Variants in MAP3K6 observed in about 807,000 individuals in gnomAD.
The protein encoded by MAP3K6 is mitogen-activated protein kinase kinase kinase 6.
Under a neutral mutation model 147.1 loss-of-function variants are expected in MAP3K6, and 105 were observed. That is an observed-to-expected ratio of 0.71 (90% CI 0.61 to 0.84). The LOEUF (loss-of-function observed/expected upper bound fraction) is 0.84. Among genes scored for constraint, MAP3K6 ranks in the 40% least tolerant of loss-of-function variants. The pLI is 0.00. For synonymous variants in MAP3K6, 695 were observed against 732.4 expected (o/e 0.95, Z 0.82); for missense variants, 1,569 against 1,715.0 (o/e 0.91, Z 1.50).
At chr1:27,357,140 A>C (rs1224322525) in intron 23 of MAP3K6, 26 bp from the exon 24 acceptor site, 1 of 1,586,132 alleles carries the variant, frequency 6.3e-7, no homozygotes, top group Non-Finnish European at 8.7e-7. Context: ...GGCGCCGCTG[A>C]GACAGCTGAG....
chr1:27,366,235 G>A lies in MAP3K6; in HGVS notation c.340+23C>T. 2.3e-6 allele frequency: 3 copies of A among 1,291,938 alleles called. No homozygotes were observed. The highest frequency in any genetic ancestry group is 2.0e-6 in the Non-Finnish European group (2 of 1,021,622). The allele number at this position is 1,291,938 out of a possible 1,614,324, so 80.0% of individuals were successfully genotyped here. On this transcript the variant is annotated intron_variant, in intron 1 of 28. Transcript: ENST00000357582. The surrounding 1 kb of genome is among the most constrained non-coding windows in gnomAD (Gnocchi z 5.5). ...AGGACCCTGAGTCCCGCCCGGATCC[G>A]GCCCCGCCCCCAGCGCTCTCACCCG... is the stretch of plus-strand genomic sequence containing the variant.
intron 1 of MAP3K6, among the ~76,000 whole-genome samples, chr1:27,365,827 C>T (rs1244304718): frequency 6.6e-6 from 1 of 152,106 alleles, no homozygotes; most frequent in Non-Finnish European, 1.5e-5. Flanking sequence ...TAAGTCCAAG[C>T]TCCTCTCCCA....
chr1:27,360,481 C>A lies in MAP3K6; in HGVS notation c.2055-113G>T. 7.2e-7 allele frequency: 1 copy of A among 1,394,010 alleles called. No homozygotes were observed. The highest frequency in any genetic ancestry group is 2.5e-5 in the East Asian group (1 of 40,044). The allele number at this position is 1,394,010 out of a possible 1,614,324, so 86.4% of individuals were successfully genotyped here. ...ACCCGCCCCGCCCACAAGCCCTCTC[C>A]GACCTTCCCCACCCTTACTACCCTG... is the stretch of plus-strand genomic sequence containing the variant. On this transcript the variant is annotated intron_variant, in intron 15 of 28. Coordinates refer to ENST00000357582, the MANE Select transcript of MAP3K6 (RefSeq NM_004672.5). This position sits in a 1 kb window ranked among gnomAD's most constrained non-coding sequence, Gnocchi z 4.5.
In MAP3K6 at chr1:27,356,045, T is replaced by A; in HGVS notation, c.3692A>T (p.Asp1231Val). 1 of 1,614,108 alleles carries A rather than the reference T, an allele frequency of 6.2e-7. No homozygotes were observed. The highest frequency in any genetic ancestry group is 8.5e-7 in the Non-Finnish European group (1 of 1,180,016). Residue 1231 changes from aspartate to valine, a missense_variant, in exon 27 of 29, where the codon GAT becomes GTT. Coordinates refer to ENST00000357582, the MANE Select transcript of MAP3K6 (RefSeq NM_004672.5). ...LVQWLQELNV[D>V]SGTIQMLLNH... is the part of the protein sequence containing the mutation. ...ACTCACCATTTGGATGGTGCCTGAA[T>A]CCACATTCAGTTCCTGTAGCCACTG...
chr1:27,362,109 T>C lies in MAP3K6; in HGVS notation c.1397A>G (p.Lys466Arg). 4 of 1,612,882 alleles carry C rather than the reference T, an allele frequency of 2.5e-6. No individual in the cohort carries two copies. Among genetic ancestry groups the C allele is most frequent in the Non-Finnish European group, 3.4e-6 (4 of 1,179,468 alleles). ...QVVLAAEQLY[K>R]LNAPIWYLVS... ...CACCTACCATATGGGGGCATTGAGC[T>C]TATACAGCTGCTCTGCAGCCAGCAC... Residue 466 changes from lysine to arginine, a missense_variant, in exon 9 of 29, where the codon AAG becomes AGG. Transcript: ENST00000357582.
rs370035625 is a variant in MAP3K6 at position 27,356,665 on chromosome 1, G to T, written c.3449C>A (p.Pro1150Gln). The part of the protein sequence containing the change: ...DSQQSPGQQS[P>Q]LPVEPEQGPA... ...GCCCTGCTCGGGCTCCACCGGAAGC[G>T]GGCTCTGCTGGCCTGGGCTCTGCTG... The change falls in exon 25 of 29, where the codon CCG becomes CAG. Residue 1150 changes from proline to glutamine, a missense_variant. Pro to Gln is a moderately conservative substitution (Grantham distance 76). Transcript: ENST00000357582. The T allele has an allele frequency of 6.2e-7, 1 of 1,611,618 alleles. No homozygotes were observed. The highest frequency in any genetic ancestry group is 1.1e-5 in the South Asian group (1 of 90,758).
At chr1:27,363,660 G>A (rs1461977927) in intron 5 of MAP3K6, 112 bp from the exon 6 acceptor site, 9 of 873,976 alleles carry the variant, frequency 1.0e-5, no homozygotes, top group Middle Eastern at 3.5e-4. Flanking sequence ...TCTTCTGCAC[G>A]CCTCCCTCAG....
At position 27,358,876 on chromosome 1, in the gene MAP3K6, A is replaced by G. The variant is rs778523916; in HGVS notation, c.2426-10T>C. 1 of 1,551,470 alleles carries G rather than the reference A, an allele frequency of 6.4e-7. No homozygotes were observed. Among genetic ancestry groups the G allele is most frequent in the East Asian group, 2.3e-5 (1 of 44,324 alleles). ...ATATACTGCAGAGTTCCTAGGACAG[A>G]AACAGGAGCACCAATGCCCATCTAG... On this transcript the variant is annotated splice_polypyrimidine_tract_variant and intron_variant, in intron 18 of 28. Transcript: ENST00000357582. The surrounding 1 kb of genome is among the most constrained non-coding windows in gnomAD (Gnocchi z 6.2).
At position 27,360,444 on chromosome 1, in the gene MAP3K6, C is replaced by T; in HGVS notation, c.2055-76G>A. The T allele has an allele frequency of 6.6e-7, 1 of 1,517,994 alleles. No homozygotes were observed. Among genetic ancestry groups the T allele is most frequent in the Non-Finnish European group, 8.9e-7 (1 of 1,128,930 alleles). The allele number at this position is 1,517,994 out of a possible 1,614,324, so 94.0% of individuals were successfully genotyped here. A position where few individuals can be genotyped will look rare whatever the true frequency, so the allele number is the denominator to read the frequency against. Reference sequence around the variant, plus strand: ...CCCGCCCATCCCACGCCAGCCTGGCCCCGCCCCAAGGACCCGCCCCGCCCA... The same window carrying T: ...CCCGCCCATCCCACGCCAGCCTGGCTCCGCCCCAAGGACCCGCCCCGCCCA... On this transcript the variant is annotated intron_variant, in intron 15 of 28. Transcript: ENST00000357582. This position sits in a 1 kb window ranked among gnomAD's most constrained non-coding sequence, Gnocchi z 4.5.
intron 21 of MAP3K6, 78 bp from the exon 22 acceptor site, chr1:27,357,954 G>C (rs1194664620): frequency 7.4e-6 from 11 of 1,487,712 alleles, no homozygotes; most frequent in Non-Finnish European, 9.8e-6. Flanking sequence ...TTGAATCCTG[G>C]CTCTCCTACT....
chr1:27,363,502 G>C lies in MAP3K6; in HGVS notation c.911C>G (p.Pro304Arg), dbSNP rs755691421. 3 of 1,613,712 alleles carry C rather than the reference G, an allele frequency of 1.9e-6. No homozygotes were observed. The East Asian group carries it at 6.7e-5, about 36-fold the overall frequency. The change falls in exon 6 of 29, where the codon CCC (proline) becomes CGC (arginine). Residue 304 changes from proline (P) to arginine (R), a missense_variant. Physicochemically the swap from Pro to Arg is moderately radical, Grantham distance 103. Transcript: ENST00000357582. ...ATGCTGCTCGGCCACATCACAGGTG[G>C]GCAAGGCCTGCAGCGTCTCCACCAG... ...IELVETLQAL[P>R]TCDVAEQHNV...
At position 27,361,814 on chromosome 1, in the gene MAP3K6, G is replaced by A. The variant is rs369834309; in HGVS notation, c.1469C>T (p.Thr490Met). The change falls in exon 10 of 29, where the codon ACG (threonine) becomes ATG (methionine). Residue 490 changes from threonine to methionine, a missense_variant. By Grantham distance (81) the Thr-to-Met change is moderately conservative. Transcript: ENST00000357582. ...TFLLYQHFRP[T>M]PEPPGGPPRR... The stretch of plus-strand genomic sequence containing the variant: ...TGGTGGCCCTCCAGGGGGCTCTGGC[G>A]TGGGCCTGAAGTGCTGGTAGAGCAG... The A allele has an allele frequency of 5.8e-5, 93 of 1,605,170 alleles. No homozygotes were observed. In the Middle Eastern group the frequency reaches 1.3e-3, roughly 23 times the overall value.
chr1:27,362,574 C>T lies in MAP3K6; in HGVS notation c.1255+67G>A, dbSNP rs902379318. The T allele has an allele frequency of 7.2e-6, 9 of 1,257,252 alleles. No individual in the cohort carries two copies. In the Admixed American group the frequency reaches 8.7e-5, roughly 12 times the overall value. The allele number at this position is 1,257,252 out of a possible 1,614,324, so 77.9% of individuals were successfully genotyped here. A position where few individuals can be genotyped will look rare whatever the true frequency, so the allele number is the denominator to read the frequency against. On this transcript the variant is annotated intron_variant, in intron 8 of 28. Coordinates refer to ENST00000357582, the MANE Select transcript of MAP3K6 (RefSeq NM_004672.5). ...AGCTCTTGCCCAGTGTGCTCTCTCC[C>T]TGCCCTCTTCCCAGGCCCCTCGGAA... is the stretch of plus-strand genomic sequence containing the variant.
chr1:27,361,576 G>T lies in MAP3K6; in HGVS notation c.1630C>A (p.Arg544=). ...ACTGTGCTTACTGGGTCAGTACCCC[G>T]AACCTCGAGCTTTGCAGGCAGCAGC... The part of the protein sequence containing the change: ...KVLLPAKLEV[R]GTDPVSTVTL... The change falls in exon 11 of 29, where the codon CGG becomes AGG. Residue 544 remains arginine, a synonymous_variant. Transcript: ENST00000357582. 6.2e-7 allele frequency: 1 copy of T among 1,614,178 alleles called. No homozygotes were observed. The highest frequency in any genetic ancestry group is 8.5e-7 in the Non-Finnish European group (1 of 1,180,034).
rs746309310 is a variant in MAP3K6, at chr1:27,361,204, C to CG, written c.1784dup (p.Ala596GlyfsTer47). 2.3e-5 allele frequency: 37 copies of CG among 1,612,998 alleles called. No homozygotes were observed. Among genetic ancestry groups the CG allele is most frequent in the South Asian group, 4.4e-5 (4 of 90,908 alleles). On this transcript the variant is annotated frameshift_variant, in exon 13 of 29. Coordinates refer to ENST00000357582, the MANE Select transcript of MAP3K6 (RefSeq NM_004672.5). LOFTEE classifies it high-confidence loss of function. ...GGAAGCACAGCTGGACGTCCTGAGC[C>CG]GGGGGGAGTGCATAGAGGAAGCAGC...
Position 27,358,973 on chromosome 1 carries a change from A to G in MAP3K6, c.2426-107T>C, listed in dbSNP as rs2015646028. The G allele has an allele frequency of 2.7e-6, 3 of 1,109,858 alleles. No individual in the cohort carries two copies. Among genetic ancestry groups the G allele is most frequent in the Non-Finnish European group, 3.9e-6 (3 of 777,572 alleles). The allele number at this position is 1,109,858 out of a possible 1,614,324, so 68.8% of individuals were successfully genotyped here. On this transcript the variant is annotated intron_variant, in intron 18 of 28. Coordinates refer to ENST00000357582, the MANE Select transcript of MAP3K6 (RefSeq NM_004672.5). The surrounding 1 kb of genome is among the most constrained non-coding windows in gnomAD (Gnocchi z 6.2). ...GGCCGACTGCACCCATACTGAACCTATCATCCAAAATATACCTCAACACCT... is the reference window on the plus strand; with the variant it reads ...GGCCGACTGCACCCATACTGAACCTGTCATCCAAAATATACCTCAACACCT...
chr1:27,360,143 C>T lies in MAP3K6; in HGVS notation c.2182+98G>A. ...AATTCTAGGCTACACCACCCACACG[C>T]ACTAGGGTGCATTTCCCCCTAGGGC... On this transcript the variant is annotated intron_variant, in intron 16 of 28. Transcript: ENST00000357582. The surrounding 1 kb of genome is among the most constrained non-coding windows in gnomAD (Gnocchi z 4.5). The T allele has an allele frequency of 6.3e-7, 1 of 1,581,822 alleles. No homozygotes were observed. Among genetic ancestry groups the T allele is most frequent in the Non-Finnish European group, 8.6e-7 (1 of 1,160,700 alleles).
rs747602756 is a variant in MAP3K6 at position 27,361,714 on chromosome 1, G to A, written c.1569C>T (p.Asp523=). ...QPFKTACAQG[D]QCLVLVLEMN... is the part of the protein sequence containing the mutation. ...CCCCTACAGGCCTCACCAAGCACTG[G>A]TCGCCCTGGGCACAGGCTGTCTTGA... Residue 523 remains aspartate, a synonymous_variant, in exon 10 of 29, where the codon GAC becomes GAT. Coordinates refer to ENST00000357582, the MANE Select transcript of MAP3K6 (RefSeq NM_004672.5). The A allele has an allele frequency of 6.2e-6, 10 of 1,613,498 alleles. No individual in the cohort carries two copies. In the South Asian group the frequency reaches 7.7e-5, roughly 12 times the overall value.
chr1:27,355,636 G>A (rs1445802061), intron 28 of MAP3K6, 33 bp downstream of exon 28: 1 of 1,610,430 alleles, frequency 6.2e-7, no homozygotes, highest in Non-Finnish European at 8.5e-7. Flanking sequence ...GAGGCCATAT[G>A]CATGGTTCAC....
Sources: allele counts gnomAD v4.1 joint callset (sites outside exome capture counted in the v4.1 genomes callset), GRCh38; gene constraint gnomAD v4.1.1; non-coding constraint Gnocchi (gnomAD v3.1); transcripts MANE v1.5; gene names NCBI Gene and HGNC (gene_info 2026-07-23, HGNC 2026-07-21).